PCDH7: variants seen among roughly 807,000 people sequenced by gnomAD.
PCDH7 encodes protocadherin 7.
A neutral mutation model predicts 58.9 loss-of-function variants in PCDH7; 17 were observed. The observed-to-expected ratio is 0.29, with a 90% CI of 0.20 to 0.43. PCDH7 has a LOEUF of 0.43. PCDH7 is among the 20% of genes least tolerant of loss of function. The pLI is 1.00. For missense variants in PCDH7, 1,274 were observed against 1,441.0 expected, an observed-to-expected ratio of 0.88 and a Z score of 1.88; for synonymous variants, 664 against 616.4, an observed-to-expected ratio of 1.08 and a Z score of -1.14.
intron 1 of PCDH7, among the ~76,000 whole-genome samples, chr4:30,775,539 T>G (rs891050704): frequency 6.6e-6 from 1 of 152,174 alleles, no homozygotes; most frequent in Non-Finnish European, 1.5e-5. Context: ...TTGTTTCCTT[T>G]CATACAATTG....
chr4:31,095,604 T>G lies in PCDH7; in HGVS notation c.*8-46869T>G, dbSNP rs563578197. Among the ~76,000 whole-genome samples the G allele has an allele frequency of 5.3e-5, 8 of 152,264 alleles. No homozygotes were observed. The Middle Eastern group carries it at 0.01, about 194-fold the overall frequency. On this transcript the variant is annotated intron_variant, in intron 3 of 3. Coordinates refer to the PCDH7 transcript ENST00000509759. ...TCAGTATAGATATTTATTCAAAAATTTAAAAGAAGACTCCTCTCCTGGTGA... is the reference window on the plus strand; with the variant it reads ...TCAGTATAGATATTTATTCAAAAATGTAAAAGAAGACTCCTCTCCTGGTGA...
intron 1 of PCDH7, among the ~76,000 whole-genome samples, chr4:30,790,629 T>C (rs1005894654): frequency 6.6e-6 from 1 of 152,196 alleles, no homozygotes; most frequent in Admixed American, 6.5e-5. Context: ...GCTTTAAATA[T>C]TGTAGACAGG....
At chr4:30,814,198 G>A (rs1273903076) in intron 1 of PCDH7, among the ~76,000 whole-genome samples, 28 of 151,734 alleles carry the variant, frequency 1.8e-4, no homozygotes, top group Admixed American at 1.8e-3. Context: ...AGCCAATAAA[G>A]GTGTGTTTGT....
chr4:30,844,732 TA>T (rs1461578219), intron 1 of PCDH7, among the ~76,000 whole-genome samples: 2 of 152,178 alleles, frequency 1.3e-5, no homozygotes, highest in African/African-American at 4.8e-5. Context: ...GCAATCTGCA[TA>T]TTAATGAAAT....
intron 1 of PCDH7, among the ~76,000 whole-genome samples, chr4:30,854,732 C>A (rs1291112215): frequency 6.6e-6 from 1 of 151,800 alleles, no homozygotes; most frequent in Non-Finnish European, 1.5e-5. Context: ...ATCCAAGAGT[C>A]GGAATTTTTA....
intron 1 of PCDH7, among the ~76,000 whole-genome samples, chr4:30,798,544 G>C (rs1725098481): frequency 6.6e-6 from 1 of 152,084 alleles, no homozygotes; most frequent in Non-Finnish European, 1.5e-5. Context: ...ATTAATGCAT[G>C]GTTTCAAAAA....
chr4:30,974,246 C>CT (rs66793376), intron 3 of PCDH7, among the ~76,000 whole-genome samples: 17 of 129,358 alleles, frequency 1.3e-4, no homozygotes, highest in South Asian at 5.2e-4. Context: ...TTCTTTCTTT[C>CT]TTCCTTTCCT....
intron 2 of PCDH7, among the ~76,000 whole-genome samples, chr4:30,927,324 G>A (rs1031628403): frequency 1.5e-4 from 23 of 152,146 alleles, no homozygotes; most frequent in African/African-American, 5.1e-4. Context: ...TGAGGAGCCC[G>A]TCTGCCCGGC....
intron 3 of PCDH7, among the ~76,000 whole-genome samples, chr4:31,107,203 T>C (rs1029221541): frequency 6.6e-6 from 1 of 152,190 alleles, no homozygotes; most frequent in Non-Finnish European, 1.5e-5. Context: ...TATAACTAAG[T>C]ACTATGATAT....
chr4:30,860,420 T>C (rs559379641), intron 1 of PCDH7, among the ~76,000 whole-genome samples: 2 of 151,676 alleles, frequency 1.3e-5, no homozygotes, highest in African/African-American at 2.4e-5. Context: ...ATTAAGTCTT[T>C]TTTTTTTTGG....
intron 1 of PCDH7, among the ~76,000 whole-genome samples, chr4:30,794,519 A>T (rs992233751): frequency 1.3e-5 from 2 of 152,214 alleles, no homozygotes; most frequent in African/African-American, 2.4e-5. Context: ...GAATTGTTAC[A>T]TAATTCACAG....
chr4:31,086,277 A>C lies in PCDH7; in HGVS notation c.*8-56196A>C, dbSNP rs538663631. Among the ~76,000 whole-genome samples the C allele has an allele frequency of 2.0e-5, 3 of 152,274 alleles. No individual in the cohort carries two copies. In the East Asian group the frequency reaches 5.8e-4, roughly 29 times the overall value. On this transcript the variant is annotated intron_variant, in intron 3 of 3. Transcript: ENST00000509759. ...TCCTTTTATTTGTTTTAAATAAAGA[A>C]ATTAAAATAGCTGCAAAAATCCTAA...
downstream of PCDH7, chr4:31,143,190 T>C (rs1243899561): frequency 5.4e-6 from 1 of 183,704 alleles, no homozygotes; most frequent in Admixed American, 5.5e-5. Context: ...GTACGAAGCC[T>C]GATTAGCAGA....
At chr4:30,768,058 CTCAGAA>C (rs1720966800) in intron 1 of PCDH7, among the ~76,000 whole-genome samples, 2 of 152,104 alleles carry the variant, frequency 1.3e-5, no homozygotes. Flanking sequence ...AAATGTGATA[CTCAGAA>C]TCAGAAAAAT....
chr4:30,722,017 G>A lies in PCDH7; in HGVS notation c.595G>A (p.Gly199Arg), dbSNP rs1465670488. The A allele has an allele frequency of 7.9e-7, 1 of 1,260,362 alleles. No individual in the cohort carries two copies. 78.1% of individuals were successfully genotyped at this position (1,260,362 alleles called of 1,614,324 possible). The change falls in exon 1 of 2, where the codon GGG (glycine) becomes AGG (arginine). Residue 199 changes from glycine (G) to arginine (R), a missense_variant. Gly to Arg is a moderately radical substitution (Grantham distance 125). Around this residue, in one of 3 missense-constraint regions of PCDH7, gnomAD observed 331 missense variants for 303.2 expected, o/e 1.09. Coordinates refer to ENST00000361762, the Ensembl canonical transcript of PCDH7. This position sits in a 1 kb window ranked among gnomAD's most constrained non-coding sequence, Gnocchi z 7.6. ...CAGCGGCGGCGAGAGCCGGCGCGCC[G>A]GGGCGGCCGACAGCGCCCCCTACCC... is the stretch of plus-strand genomic sequence containing the variant.
chr4:30,775,617 T>C (rs1408452810), intron 1 of PCDH7, among the ~76,000 whole-genome samples: 3 of 152,114 alleles, frequency 2.0e-5, no homozygotes, highest in Non-Finnish European at 4.4e-5. Context: ...TTATAAGATA[T>C]GAGTTATAGG....
At chr4:30,798,773 C>G (rs1039154527) in intron 1 of PCDH7, among the ~76,000 whole-genome samples, 1 of 152,116 alleles carries the variant, frequency 6.6e-6, no homozygotes, top group African/African-American at 2.4e-5. Flanking sequence ...GAATCCATGG[C>G]CTCTCATTTC....
At chr4:30,825,782 AT>A (rs34840742) in intron 1 of PCDH7, among the ~76,000 whole-genome samples, 111,428 of 151,974 alleles carry the variant, frequency 0.73, 41,101 homozygotes, top group Middle Eastern at 0.81. Flanking sequence ...TTGTATGGCT[AT>A]TTTTTTTACT....
chr4:30,772,527 G>C (rs1721551855), intron 1 of PCDH7, among the ~76,000 whole-genome samples: 1 of 152,168 alleles, frequency 6.6e-6, no homozygotes, highest in Non-Finnish European at 1.5e-5. Flanking sequence ...GTGTTTGGGT[G>C]GCTATTTCAA....
Sources: allele counts gnomAD v4.1 joint callset (sites outside exome capture counted in the v4.1 genomes callset), GRCh38; gene constraint gnomAD v4.1.1; regional missense constraint gnomAD v4.1.1; non-coding constraint Gnocchi (gnomAD v3.1); transcripts MANE v1.5; gene names NCBI Gene and HGNC (gene_info 2026-07-23, HGNC 2026-07-21).